Variants in USP34 observed in about 807,000 individuals in gnomAD.
USP34 encodes ubiquitin specific peptidase 34.
USP34 carries 70 observed loss-of-function variants against 460.3 expected under a neutral mutation model. The observed-to-expected ratio is 0.15, with a 90% confidence interval of 0.13 to 0.19. The LOEUF (loss-of-function observed/expected upper bound fraction) is 0.19, where lower values mean the gene tolerates loss of function less well. Ranked by LOEUF, USP34 falls within the 10% of genes least tolerant of loss-of-function variation. The probability of loss-of-function intolerance (pLI) is 1.00; values close to 1 mark genes in which losing one functional copy is unlikely to be tolerated. For synonymous variants in USP34, 1,647 were observed against 1,405.3 expected (o/e 1.17, Z -3.85); for missense variants, 3,985 against 4,236.2 (o/e 0.94, Z 1.65).
chr2:61,431,725 G>T (rs533620648), intron 1 of USP34, among the ~76,000 whole-genome samples: 60 of 152,102 alleles, frequency 3.9e-4, no homozygotes, highest in African/African-American at 1.4e-3. Context: ...CATGGTGTTA[G>T]GCGCCTGTAA....
At chr2:61,417,229 A>G in intron 2 of USP34, 1 of 1,445,144 alleles carries the variant, frequency 6.9e-7, no homozygotes, top group South Asian at 1.1e-5. Flanking sequence ...AGAAACACGA[A>G]CATACATCTG....
At chr2:61,409,241 A>C (rs1465942619) in intron 2 of USP34, among the ~76,000 whole-genome samples, 1 of 151,486 alleles carries the variant, frequency 6.6e-6, no homozygotes, top group Non-Finnish European at 1.5e-5. Flanking sequence ...AACTTAGAAA[A>C]ATCAGGTTCA....
Position 61,192,983 on chromosome 2 carries a change from A to G in USP34, c.9509-3T>C, listed in dbSNP as rs1473208677. 1.5e-5 allele frequency: 24 copies of G among 1,611,618 alleles called. No individual in the cohort carries two copies. The highest frequency in any genetic ancestry group is 2.0e-5 in the Non-Finnish European group (23 of 1,178,248). On this transcript the variant is annotated splice_polypyrimidine_tract_variant and splice_region_variant and intron_variant, in intron 75 of 79. Coordinates refer to ENST00000398571, the MANE Select transcript of USP34 (RefSeq NM_014709.4). ...ACCTTCATAGGCAACTAGGACACCT[A>G]ATATTTGAAAAGAAATCAGAATAGG...
intron 10 of USP34, among the ~76,000 whole-genome samples, chr2:61,362,696 A>C (rs1337336786): frequency 1.3e-5 from 2 of 152,172 alleles, no homozygotes; most frequent in Non-Finnish European, 2.9e-5. Context: ...AAAATGAGTA[A>C]ATTCTGGAGA....
chr2:61,231,573 G>C (rs927344215), intron 58 of USP34, among the ~76,000 whole-genome samples: 1 of 152,074 alleles, frequency 6.6e-6, no homozygotes, highest in Non-Finnish European at 1.5e-5. Flanking sequence ...AAATTAGCCA[G>C]GTGTGGTGGT....
chr2:61,283,240 T>A lies in USP34; in HGVS notation c.4903A>T (p.Ser1635Cys). ...ACTAAAGAACAGCAATGAGCCCAACTCACCAAGAGCCACATTGAATAATGT... is the reference window on the plus strand; with the variant it reads ...ACTAAAGAACAGCAATGAGCCCAACACACCAAGAGCCACATTGAATAATGT... ...VSHYSMWLLV[S>C]WAHCCSLVKS... is the part of the protein sequence containing the mutation. The change falls in exon 37 of 80, where the codon AGT becomes TGT. Residue 1635 changes from serine (S) to cysteine (C), a missense_variant. Transcript: ENST00000398571. 1 of 1,613,148 alleles carries A rather than the reference T, an allele frequency of 6.2e-7. No homozygotes were observed. Among genetic ancestry groups the A allele is most frequent in the African/African-American group, 1.3e-5 (1 of 74,786 alleles).
rs545450280 is a variant in USP34 at position 61,349,867 on chromosome 2, AC to A, written c.1507+392del. On this transcript the variant is annotated intron_variant, in intron 12 of 79. Coordinates refer to ENST00000398571, the MANE Select transcript of USP34 (RefSeq NM_014709.4). ...AAAAACAACAACAACAACAACAACAACAAAAAAACCCCACAAAGCACCTGAC... is the reference window on the plus strand; with the variant it reads ...AAAAACAACAACAACAACAACAACAAAAAAAAACCCCACAAAGCACCTGAC... 1.2e-3 allele frequency among the ~76,000 whole-genome samples: 80 copies of A among 64,586 alleles called. 1 individual carries two copies. Among genetic ancestry groups the A allele is most frequent in the Middle Eastern group, 7.0e-3 (1 of 142 alleles). The allele number at this position is 64,586 out of a possible 152,430, so 42.4% of individuals were successfully genotyped here.
At chr2:61,278,491 T>TGG in intron 39 of USP34, 48 bp from the exon 40 acceptor site, 2 of 1,351,786 alleles carry the variant, frequency 1.5e-6, no homozygotes, top group Non-Finnish European at 2.0e-6. Flanking sequence ...TTTTTATGTT[T>TGG]TACCAAACAT....
chr2:61,287,550 C>A (rs1002111876), intron 34 of USP34, among the ~76,000 whole-genome samples: 4 of 152,186 alleles, frequency 2.6e-5, no homozygotes, highest in African/African-American at 9.7e-5. Context: ...CAACCCCTCA[C>A]CTTCCTCCTC....
At chr2:61,377,009 C>G (rs910515823) in intron 8 of USP34, among the ~76,000 whole-genome samples, 1 of 152,188 alleles carries the variant, frequency 6.6e-6, no homozygotes, top group African/African-American at 2.4e-5. Context: ...TGAAACAACA[C>G]TTCTAATATA....
chr2:61,256,271 G>C, intron 48 of USP34, 113 bp downstream of exon 48: 1 of 936,794 alleles, frequency 1.1e-6, no homozygotes, highest in Non-Finnish European at 1.6e-6. Flanking sequence ...GCTCCATGCA[G>C]CTGATTTTAC....
Position 61,214,037 on chromosome 2 carries a change from AAAAGAGTAT to A in USP34, c.8682+14_8682+22del. The A allele has an allele frequency of 6.2e-7, 1 of 1,613,350 alleles. No homozygotes were observed. The highest frequency in any genetic ancestry group is 8.5e-7 in the Non-Finnish European group (1 of 1,179,624). ...TTCCAATCTATTTGAGGATACAGATAAAAGAGTATCAATTTTACTCACTCCAGGGTATTG... is the reference window on the plus strand; with the variant it reads ...TTCCAATCTATTTGAGGATACAGATACAATTTTACTCACTCCAGGGTATTG... On this transcript the variant is annotated intron_variant, in intron 68 of 79. Transcript: ENST00000398571.
At chr2:61,368,271 A>T (rs1692499161) in intron 10 of USP34, among the ~76,000 whole-genome samples, 1 of 152,190 alleles carries the variant, frequency 6.6e-6, no homozygotes, top group Admixed American at 6.5e-5. Flanking sequence ...GTCTCTACTA[A>T]AAACACAAAA....
At chr2:61,266,782 A>C (rs1185392862) in intron 41 of USP34, among the ~76,000 whole-genome samples, 1 of 152,190 alleles carries the variant, frequency 6.6e-6, no homozygotes, top group East Asian at 1.9e-4. Context: ...AAGAGATAGC[A>C]CAGTAAGACT....
chr2:61,276,374 TAGTC>T (rs1689372483), intron 41 of USP34, among the ~76,000 whole-genome samples: 1 of 152,216 alleles, frequency 6.6e-6, no homozygotes, highest in Non-Finnish European at 1.5e-5. Flanking sequence ...TATTGCCTCT[TAGTC>T]AATTTTTAAA....
intron 22 of USP34, among the ~76,000 whole-genome samples, chr2:61,318,002 G>C (rs1440077771): frequency 1.3e-5 from 2 of 152,094 alleles, no homozygotes; most frequent in East Asian, 3.9e-4. Flanking sequence ...AGACCAGCCT[G>C]GGCAACATGG....
Position 61,295,006 on chromosome 2 carries a change from A to G in USP34, c.4404T>C (p.Asp1468=), listed in dbSNP as rs765417394. 1 of 1,612,822 alleles carries G rather than the reference A, an allele frequency of 6.2e-7. No individual in the cohort carries two copies. Among genetic ancestry groups the G allele is most frequent in the East Asian group, 2.2e-5 (1 of 44,762 alleles). ...STGSYSDLYP[D]SDDSSEDQVE... The stretch of plus-strand genomic sequence containing the variant: ...CTTGATCTTCACTTGAATCATCTGA[A>G]TCTGGATAAAGATCACTGTAACTTC... The change falls in exon 32 of 80, where the codon GAT becomes GAC. Residue 1468 remains aspartate, a synonymous_variant. Coordinates refer to ENST00000398571, the MANE Select transcript of USP34 (RefSeq NM_014709.4).
intron 1 of USP34, among the ~76,000 whole-genome samples, chr2:61,458,561 G>GAAA (rs35618719): frequency 3.1e-5 from 3 of 96,540 alleles, no homozygotes; most frequent in African/African-American, 4.1e-5. Flanking sequence ...AACTGTCTCA[G>GAAA]AAAAAAAAAA....
chr2:61,352,523 CATG>C (rs532652176), intron 10 of USP34, among the ~76,000 whole-genome samples: 27 of 151,810 alleles, frequency 1.8e-4, no homozygotes, highest in Admixed American at 1.8e-3. Context: ...GATGAAGTCT[CATG>C]ATATTGCCCA....
Sources: allele counts gnomAD v4.1 joint callset (sites outside exome capture counted in the v4.1 genomes callset), GRCh38; gene constraint gnomAD v4.1.1; transcripts MANE v1.5; gene names NCBI Gene and HGNC (gene_info 2026-07-23, HGNC 2026-07-21).